CENPI: variants seen among roughly 807,000 people sequenced by gnomAD.
CENPI encodes the protein centromere protein I, also known as FSH primary response 1.
Under a neutral mutation model 60.4 loss-of-function variants are expected in CENPI, and 4 were observed. That is an observed-to-expected ratio of 0.07 (90% CI 0.03 to 0.15). The LOEUF (loss-of-function observed/expected upper bound fraction) is 0.15. Among genes scored for constraint, CENPI ranks in the 10% least tolerant of loss-of-function variants. The pLI is 1.00. For missense variants in CENPI, 444 were observed against 534.5 expected (o/e 0.83, Z 1.67); for synonymous variants, 157 against 189.4 (o/e 0.83, Z 1.40).
intron 9 of CENPI, among the ~76,000 whole-genome samples, 158 bp from the exon 10 acceptor site, chrX:101,126,980 T>C: frequency 9.0e-6 from 1 of 111,577 alleles, no homozygotes; most frequent in Middle Eastern, 4.6e-3. Flanking sequence ...ATTTGGTATA[T>C]TTAATAGATT....
intron 16 of CENPI, among the ~76,000 whole-genome samples, chrX:101,144,637 C>T (rs1159004134): frequency 1.8e-5 from 2 of 111,019 alleles, no homozygotes; most frequent in African/African-American, 6.5e-5. Flanking sequence ...CCGACCTTCG[C>T]CTCCCTAAGT....
intron 16 of CENPI, among the ~76,000 whole-genome samples, chrX:101,143,069 CA>C (rs5903179): frequency 1.7e-3 from 108 of 64,817 alleles, no homozygotes; most frequent in Admixed American, 2.8e-3. Flanking sequence ...GACTCCATCT[CA>C]AAAAAAAAAA....
intron 6 of CENPI, among the ~76,000 whole-genome samples, chrX:101,120,091 G>A (rs1230060138): frequency 1.8e-5 from 2 of 112,158 alleles, no homozygotes; most frequent in African/African-American, 6.5e-5. Flanking sequence ...ATACATACAT[G>A]CAAATATTGA....
In CENPI at chrX:101,127,646, A is replaced by C; in HGVS notation, c.1055A>C (p.Gln352Pro). Reference sequence around the variant, plus strand: ...CTTCAAAGCTTCCCCCAACTTTTACAGAACATCCATTGCTTAGAGGTATGT... The same window carrying C: ...CTTCAAAGCTTCCCCCAACTTTTACCGAACATCCATTGCTTAGAGGTATGT... ...EQLQSFPQLLQNIHCLELPSQ... is the reference protein window; with the variant it reads ...EQLQSFPQLLPNIHCLELPSQ... The change falls in exon 11 of 22, where the codon CAG (glutamine) becomes CCG (proline). Residue 352 changes from glutamine to proline, a missense_variant. By Grantham distance (76) the Gln-to-Pro change is moderately conservative. Coordinates refer to ENST00000682095, the MANE Select transcript of CENPI (RefSeq NM_001386188.2). The C allele has an allele frequency of 8.4e-7, 1 of 1,185,408 alleles. No individual in the cohort carries two copies. The highest frequency in any genetic ancestry group is 2.7e-4 in the Middle Eastern group (1 of 3,716).
intron 15 of CENPI, among the ~76,000 whole-genome samples, chrX:101,133,652 T>G: frequency 9.0e-6 from 1 of 110,574 alleles, no homozygotes; most frequent in East Asian, 2.8e-4. Context: ...TCTAAAGGAA[T>G]CTTAAGAAAT....
At chrX:101,115,114 C>A (rs182736178) in intron 6 of CENPI, among the ~76,000 whole-genome samples, 1 of 109,264 alleles carries the variant, frequency 9.2e-6, no homozygotes, top group Non-Finnish European at 1.9e-5. Context: ...CAGGCCTGCA[C>A]CACCACGCCT....
chrX:101,174,986 A>G, the CENPI span, among the ~76,000 whole-genome samples: 1 of 110,799 alleles, frequency 9.0e-6, no homozygotes, highest in African/African-American at 3.3e-5. Flanking sequence ...ACATGTCTGT[A>G]ATCCCAGCTA....
At chrX:101,125,877 C>G (rs2089729604) in intron 8 of CENPI, among the ~76,000 whole-genome samples, 1 of 111,637 alleles carries the variant, frequency 9.0e-6, no homozygotes, top group Non-Finnish European at 1.9e-5. Flanking sequence ...CTCAGCACAA[C>G]TAAGTATTCT....
chrX:101,127,357 T>G, intron 10 of CENPI, 91 bp downstream of exon 10: 1 of 993,791 alleles, frequency 1.0e-6, no homozygotes. Flanking sequence ...TTATAGATAT[T>G]TAAGTATATG....
intron 21 of CENPI, among the ~76,000 whole-genome samples, chrX:101,162,471 A>ATATATATATATATAT (rs1182467283): frequency 1.3e-5 from 1 of 76,312 alleles, no homozygotes; most frequent in African/African-American, 5.9e-5. Context: ...AAAAAAAAAA[A>ATATATATATATATAT]AAATATATAT....
intron 6 of CENPI, among the ~76,000 whole-genome samples, chrX:101,117,303 C>T (rs1207905848): frequency 3.6e-5 from 4 of 111,559 alleles, no homozygotes; most frequent in Admixed American, 2.9e-4. Flanking sequence ...TGGGTTTAAG[C>T]GATTCTCCTG....
At chrX:101,142,693 A>C (rs1223492936) in intron 16 of CENPI, among the ~76,000 whole-genome samples, 1 of 111,575 alleles carries the variant, frequency 9.0e-6, no homozygotes, top group Non-Finnish European at 1.9e-5. Context: ...CAAAATGCCG[A>C]TAGTGTCTTG....
At chrX:101,167,080 C>T (rs951862836), downstream of CENPI, among the ~76,000 whole-genome samples, 4 of 112,609 alleles carry the variant, frequency 3.6e-5, no homozygotes, top group Admixed American at 2.8e-4. Flanking sequence ...ATTATACTTT[C>T]TCCTTCTTTT....
intron 20 of CENPI, among the ~76,000 whole-genome samples, chrX:101,157,627 G>A (rs2090064293): frequency 1.0e-5 from 1 of 99,806 alleles, no homozygotes. Flanking sequence ...TCTAGCCTGG[G>A]TGACAGAGTG....
the CENPI span, among the ~76,000 whole-genome samples, chrX:101,175,969 A>G: frequency 9.0e-6 from 1 of 111,416 alleles, no homozygotes; most frequent in Non-Finnish European, 1.9e-5. Context: ...AGCCTCTGGT[A>G]TCTATCATTC....
At chrX:101,110,812 G>A (rs1158101670) in intron 6 of CENPI, among the ~76,000 whole-genome samples, 5 of 111,861 alleles carry the variant, frequency 4.5e-5, no homozygotes, top group South Asian at 3.7e-4. Context: ...AATAATTGCT[G>A]TAATATTTCC....
At chrX:101,131,478 A>G (rs2148198634) in intron 13 of CENPI, among the ~76,000 whole-genome samples, 1 of 111,892 alleles carries the variant, frequency 8.9e-6, no homozygotes, top group African/African-American at 3.2e-5. Flanking sequence ...AAGATGTTTC[A>G]CTTAAGAGAT....
chrX:101,106,783 C>A (rs1481474789), intron 4 of CENPI, among the ~76,000 whole-genome samples: 1 of 111,012 alleles, frequency 9.0e-6, no homozygotes, highest in Non-Finnish European at 1.9e-5. Flanking sequence ...TGTTCTAGGC[C>A]AGTCACAGTG....
At chrX:101,139,848 T>G (rs1265781283) in intron 15 of CENPI, among the ~76,000 whole-genome samples, 9 of 108,716 alleles carry the variant, frequency 8.3e-5, no homozygotes, top group Admixed American at 9.8e-5. Flanking sequence ...TTTGTTTTTT[T>G]TTTTGAGAAA....
Sources: gnomAD v4.1 joint callset for allele counts (sites outside exome capture counted in the v4.1 genomes callset) on GRCh38, gnomAD v4.1.1 for gene constraint, MANE v1.5 for transcripts, NCBI Gene and HGNC (gene_info 2026-07-23, HGNC 2026-07-21) for gene names.